The following SLC22A2 variants were observed in gnomAD, a reference collection of about 807,000 sequenced individuals.
The protein encoded by SLC22A2 is organic cation transporter 2.
Under a neutral mutation model 60.5 loss-of-function variants are expected in SLC22A2, and 46 were observed. The observed-to-expected ratio is 0.76, with a 90% CI of 0.60 to 0.97. The LOEUF is 0.97. Ranked by LOEUF, SLC22A2 falls within the 50% of genes least tolerant of loss-of-function variation. SLC22A2 has a pLI of 0.00. For missense variants in SLC22A2, 701 were observed against 706.6 expected (o/e 0.99, Z 0.09); for synonymous variants, 303 against 267.0 (o/e 1.13, Z -1.31).
At chr6:160,242,161 G>T in intron 8 of SLC22A2, 133 bp downstream of exon 8, 1 of 677,184 alleles carries the variant, frequency 1.5e-6, no homozygotes. Flanking sequence ...GGCCTGGCTG[G>T]ACCTTTACGT....
Position 160,229,510 on chromosome 6 carries a change from C to T in SLC22A2, c.1502-4706G>A, listed in dbSNP as rs567987202. 7.5e-4 allele frequency among the ~76,000 whole-genome samples: 114 copies of T among 151,912 alleles called. 3 individuals carry two copies. Among genetic ancestry groups the T allele is most frequent in the African/African-American group, 2.5e-3 (103 of 41,234 alleles). On this transcript the variant is annotated intron_variant, in intron 9 of 10. Transcript: ENST00000366953. ...CTTGGTGGCAAGTGAATTGCGGGGGCGCCTGCTTTGGCTGCTCACCCACAT... is the reference window on the plus strand; with the variant it reads ...CTTGGTGGCAAGTGAATTGCGGGGGTGCCTGCTTTGGCTGCTCACCCACAT...
intron 3 of SLC22A2, among the ~76,000 whole-genome samples, chr6:160,249,691 G>C (rs994683732): frequency 6.6e-6 from 1 of 152,204 alleles, no homozygotes; most frequent in African/African-American, 2.4e-5. Flanking sequence ...TTTTGACCTA[G>C]AGTAGTAACT....
chr6:160,226,669 C>T lies in SLC22A2; in HGVS notation c.1502-1865G>A, dbSNP rs183394812. The stretch of plus-strand genomic sequence containing the variant: ...CTGGCTCAGGAGGCTGCCTGATTCT[C>T]GAATCATTCTTTGCTTAATTAAACT... On this transcript the variant is annotated intron_variant, in intron 9 of 10. Transcript: ENST00000366953. 5.9e-4 allele frequency among the ~76,000 whole-genome samples: 90 copies of T among 152,248 alleles called. 1 individual carries two copies. The East Asian group carries it at 8.3e-3, about 14-fold the overall frequency.
chr6:160,250,768 C>T (rs1783171391), intron 2 of SLC22A2, 66 bp from the exon 3 acceptor site: 1 of 1,511,358 alleles, frequency 6.6e-7, no homozygotes, highest in South Asian at 1.2e-5. Flanking sequence ...GTGGAAAATG[C>T]ATGGAAGTTA....
intron 9 of SLC22A2, among the ~76,000 whole-genome samples, chr6:160,227,275 A>G (rs1001249756): frequency 1.3e-5 from 2 of 152,198 alleles, no homozygotes; most frequent in African/African-American, 4.8e-5. Flanking sequence ...TCTACATAAT[A>G]AGAGCCTTGG....
chr6:160,222,688 G>A (rs1299129090), intron 10 of SLC22A2, among the ~76,000 whole-genome samples: 1 of 152,168 alleles, frequency 6.6e-6, no homozygotes, highest in Non-Finnish European at 1.5e-5. Flanking sequence ...CAACTCAAAT[G>A]TCTGCATGCA....
At chr6:160,226,805 T>G (rs2619270) in intron 9 of SLC22A2, among the ~76,000 whole-genome samples, 104,394 of 151,898 alleles carry the variant, frequency 0.69, 38,124 homozygotes, top group Admixed American at 0.81. Flanking sequence ...ACTGAAAAAC[T>G]TCAAGGTTTT....
chr6:160,219,183 C>T (rs76798489), intron 10 of SLC22A2, among the ~76,000 whole-genome samples: 1,697 of 142,846 alleles, frequency 0.012, 57 homozygotes, highest in African/African-American at 0.042. Flanking sequence ...GCAACAACAG[C>T]AGCAACAACA....
rs1378537963 is a variant in SLC22A2 at position 160,241,650 on chromosome 6, AC to A, written c.1389-65del. 5.1e-6 allele frequency: 5 copies of A among 989,772 alleles called. No individual in the cohort carries two copies. In the Middle Eastern group the frequency reaches 6.2e-4, roughly 123 times the overall value. The allele number at this position is 989,772 out of a possible 1,614,324, so 61.3% of individuals were successfully genotyped here. ...ACAGTGCAGTAGTTATCTCCCATCCACCCCTGAATAAACACTTCCTCAAATA... is the reference window on the plus strand; with the variant it reads ...ACAGTGCAGTAGTTATCTCCCATCCACCCTGAATAAACACTTCCTCAAATA... On this transcript the variant is annotated intron_variant, in intron 8 of 10. Transcript: ENST00000366953.
In SLC22A2 at chr6:160,247,152, C is replaced by T. The variant is rs551775509; in HGVS notation, c.957+32G>A. 10 of 1,188,912 alleles carry T rather than the reference C, an allele frequency of 8.4e-6. No individual in the cohort carries two copies. In the African/African-American group the frequency reaches 1.4e-4, roughly 16 times the overall value. The allele number at this position is 1,188,912 out of a possible 1,614,324, so 73.6% of individuals were successfully genotyped here. On this transcript the variant is annotated intron_variant, in intron 5 of 10. Transcript: ENST00000366953. ...TTACCAGAGCCTCCCTTTTCTCCAT[C>T]CCCTGATTTGATACTTAAGGCCCTG...
intron 9 of SLC22A2, 138 bp from the exon 10 acceptor site, chr6:160,224,942 C>A: frequency 2.1e-6 from 1 of 471,090 alleles, no homozygotes; most frequent in Admixed American, 3.9e-5. Context: ...CCATCTCTGA[C>A]TGCTGTATTT....
chr6:160,254,031 A>G (rs1783228840), intron 2 of SLC22A2, among the ~76,000 whole-genome samples: 1 of 152,192 alleles, frequency 6.6e-6, no homozygotes. Flanking sequence ...TAATCCCAGC[A>G]CTTTGGGAGG....
chr6:160,258,270 C>T, intron 1 of SLC22A2, 74 bp downstream of exon 1: 1 of 1,490,812 alleles, frequency 6.7e-7, no homozygotes, highest in Non-Finnish European at 9.0e-7. Context: ...AAGAGCCGGG[C>T]CTTCCCTGCT....
At chr6:160,255,723 ACACT>A (rs1783259398) in intron 2 of SLC22A2, among the ~76,000 whole-genome samples, 1 of 152,320 alleles carries the variant, frequency 6.6e-6, no homozygotes, top group African/African-American at 2.4e-5. Context: ...GCCATGGAAA[ACACT>A]CAATAAACGG....
At chr6:160,255,373 A>C (rs1358124913) in intron 2 of SLC22A2, among the ~76,000 whole-genome samples, 4 of 152,216 alleles carry the variant, frequency 2.6e-5, no homozygotes, top group Non-Finnish European at 5.9e-5. Flanking sequence ...ATCATTATTC[A>C]TCCTTAACAC....
At chr6:160,241,619 C>T in intron 8 of SLC22A2, 33 bp from the exon 9 acceptor site, 1 of 1,384,590 alleles carries the variant, frequency 7.2e-7, no homozygotes, top group Non-Finnish European at 1.0e-6. Context: ...AACTTGTTAA[C>T]TTATCACAGT....
At chr6:160,229,540 G>A (rs113968396) in intron 9 of SLC22A2, among the ~76,000 whole-genome samples, 2,737 of 151,816 alleles carry the variant, frequency 0.018, 149 homozygotes, top group African/African-American at 0.064. Context: ...CCACATTGCA[G>A]CCCAGGGCTG....
At chr6:160,249,477 A>C in intron 3 of SLC22A2, 93 bp from the exon 4 acceptor site, 1 of 916,484 alleles carries the variant, frequency 1.1e-6, no homozygotes, top group Non-Finnish European at 1.7e-6. Flanking sequence ...CCTCAAAAAT[A>C]TAGACAAATT....
chr6:160,231,043 G>A (rs1185402690), intron 9 of SLC22A2, among the ~76,000 whole-genome samples: 6 of 151,822 alleles, frequency 4.0e-5, no homozygotes, highest in African/African-American at 1.5e-4. Context: ...ATGGTGGAGG[G>A]TAAGTCCGTC....
Sources: gnomAD v4.1 joint callset for allele counts (sites outside exome capture counted in the v4.1 genomes callset) on GRCh38, gnomAD v4.1.1 for gene constraint, MANE v1.5 for transcripts, NCBI Gene and HGNC (gene_info 2026-07-23, HGNC 2026-07-21) for gene names.